PHLDB1: variants seen among roughly 807,000 people sequenced by gnomAD.
PHLDB1 encodes pleckstrin homology like domain family B member 1.
PHLDB1 carries 65 observed loss-of-function variants against 139.3 expected under a neutral mutation model. The ratio of observed to expected loss-of-function variants is 0.47; its 90% CI spans 0.38 to 0.57. The LOEUF is 0.57. PHLDB1 is among the 20% of genes least tolerant of loss of function. PHLDB1 has a pLI of 0.00. For missense variants in PHLDB1, 1,624 were observed against 1,839.7 expected, an observed-to-expected ratio of 0.88 and a Z score of 2.14; for synonymous variants, 679 against 734.5, an observed-to-expected ratio of 0.92 and a Z score of 1.22.
chr11:118,606,483 G>C (rs1295677003), upstream of PHLDB1: 1 of 152,224 alleles, frequency 6.6e-6, no homozygotes, highest in Non-Finnish European at 1.5e-5. Context: ...ATCTCAAAGA[G>C]GATAAATTAT....
chr11:118,644,391 A>G (rs886348612), intron 15 of PHLDB1: 8 of 571,202 alleles, frequency 1.4e-5, no homozygotes, highest in East Asian at 1.2e-4. Context: ...GGGCTGTGAC[A>G]TCTTTCCTAG....
intron 6 of PHLDB1, 146 bp downstream of exon 6, chr11:118,628,796 C>G: frequency 1.5e-6 from 1 of 663,862 alleles, no homozygotes; most frequent in African/African-American, 1.8e-5. Context: ...CTTTAGTGAT[C>G]AATATCTTAT....
intron 1 of PHLDB1, among the ~76,000 whole-genome samples, chr11:118,612,358 A>G (rs1435300779): frequency 2.0e-5 from 3 of 152,052 alleles, no homozygotes; most frequent in Non-Finnish European, 4.4e-5. Flanking sequence ...CCTTTTTTAC[A>G]TAAACTCCCC....
At position 118,611,136 on chromosome 11, in the gene PHLDB1, C is replaced by G. The variant is rs1244719253; in HGVS notation, c.-21-2680C>G. On this transcript the variant is annotated intron_variant, in intron 1 of 22. Coordinates refer to ENST00000600882, the MANE Select transcript of PHLDB1 (RefSeq NM_001144758.3). The surrounding 1 kb of genome is among the most constrained non-coding windows in gnomAD (Gnocchi z 4.7). The stretch of plus-strand genomic sequence containing the variant: ...CAGCCGCCGGGGCCAGAGCGGGAGT[C>G]AAGGTGAGGGCGCCCCCAGGTGGCC... 6.6e-6 allele frequency among the ~76,000 whole-genome samples: 1 copy of G among 152,198 alleles called. No individual in the cohort carries two copies. Among genetic ancestry groups the G allele is most frequent in the Non-Finnish European group, 1.5e-5 (1 of 68,034 alleles).
Position 118,645,420 on chromosome 11 carries a change from G to C in PHLDB1, c.3186G>C (p.Glu1062Asp), listed in dbSNP as rs1410023080. 1.3e-6 allele frequency: 2 copies of C among 1,545,610 alleles called. No individual in the cohort carries two copies. The highest frequency in any genetic ancestry group is 2.1e-5 in the Admixed American group (1 of 47,934). Residue 1062 changes from glutamate to aspartate, a missense_variant, in exon 16 of 23, where the codon GAG becomes GAC. Physicochemically the swap from Glu to Asp is conservative, Grantham distance 45 (BLOSUM62 2). Transcript: ENST00000600882. This position sits in a 1 kb window ranked among gnomAD's most constrained non-coding sequence, Gnocchi z 5.1. Reference sequence around the variant, plus strand: ...AGCTGAAGCAGAAAGCGGCAGCTGAGGCACAGTGCCAGTGGGATGCCCTTC... The same window carrying C: ...AGCTGAAGCAGAAAGCGGCAGCTGACGCACAGTGCCAGTGGGATGCCCTTC... ...LAELKQKAAA[E>D]AQCQWDALHG... is the part of the protein sequence containing the mutation.
chr11:118,630,204 C>A, intron 6 of PHLDB1: 1 of 517,688 alleles, frequency 1.9e-6, no homozygotes, highest in Non-Finnish European at 3.3e-6. Context: ...GCCATGGAAG[C>A]CTCACAAACC....
chr11:118,635,410 G>T lies in PHLDB1; in HGVS notation c.2397G>T (p.Glu799Asp). 6.2e-7 allele frequency: 1 copy of T among 1,602,042 alleles called. No individual in the cohort carries two copies. Residue 799 changes from glutamate (E) to aspartate (D), a missense_variant, in exon 10 of 23, where the codon GAG (glutamate) becomes GAT (aspartate). By Grantham distance (45) the Glu-to-Asp change is conservative (BLOSUM62 2). Coordinates refer to ENST00000600882, the MANE Select transcript of PHLDB1 (RefSeq NM_001144758.3). ...KERDKEAEALETETKLFEDLE... is the reference protein window; with the variant it reads ...KERDKEAEALDTETKLFEDLE... ...CGTTGAAGGAGGCAGAGGCCCTGGAGACTGAGACAAAGCTCTTTGAGGACT... is the reference window on the plus strand; with the variant it reads ...CGTTGAAGGAGGCAGAGGCCCTGGATACTGAGACAAAGCTCTTTGAGGACT...
In PHLDB1 at chr11:118,628,024, C is replaced by G; in HGVS notation, c.1201C>G (p.Arg401Gly). The G allele has an allele frequency of 6.2e-7, 1 of 1,613,836 alleles. No homozygotes were observed. Among genetic ancestry groups the G allele is most frequent in the Non-Finnish European group, 8.5e-7 (1 of 1,179,988 alleles). ...PRNKIGTLQDRPPSPFREPPG... is the reference protein window; with the variant it reads ...PRNKIGTLQDGPPSPFREPPG... ...AAACAAGATTGGCACACTCCAGGAC[C>G]GCCCTCCCAGCCCTTTCCGTGAGCC... The change falls in exon 6 of 23, where the codon CGC (arginine) becomes GGC (glycine). Residue 401 changes from arginine (R) to glycine (G), a missense_variant. Coordinates refer to ENST00000600882, the MANE Select transcript of PHLDB1 (RefSeq NM_001144758.3).
Position 118,608,780 on chromosome 11 carries a change from A to C in PHLDB1, c.-22+1081A>C, listed in dbSNP as rs1555081045. ...CACACCCGGACCCGCCCACACGCCG[A>C]GGCCTTCCCACGCACTCCATGCCTT... On this transcript the variant is annotated intron_variant, in intron 1 of 22. Coordinates refer to ENST00000600882, the MANE Select transcript of PHLDB1 (RefSeq NM_001144758.3). This position sits in a 1 kb window ranked among gnomAD's most constrained non-coding sequence, Gnocchi z 6.7. Among the ~76,000 whole-genome samples, 1 of 151,686 alleles carries C rather than the reference A, an allele frequency of 6.6e-6. No homozygotes were observed. The highest frequency in any genetic ancestry group is 1.5e-5 in the Non-Finnish European group (1 of 67,874).
In PHLDB1 at chr11:118,632,006, G is replaced by A; in HGVS notation, c.2194G>A (p.Val732Ile). The A allele has an allele frequency of 2.5e-6, 4 of 1,614,148 alleles. No individual in the cohort carries two copies. The highest frequency in any genetic ancestry group is 3.4e-6 in the Non-Finnish European group (4 of 1,179,990). ...GCTGGGGCACGTGGAGCAGCTCAAG[G>A]TCCGTGTGAAGGAGCTAGAGCAGCA... ...QVLGHVEQLK[V>I]RVKELEQQLQ... The change falls in exon 8 of 23, where the codon GTC becomes ATC. Residue 732 changes from valine to isoleucine, a missense_variant. Coordinates refer to ENST00000600882, the MANE Select transcript of PHLDB1 (RefSeq NM_001144758.3). This position sits in a 1 kb window ranked among gnomAD's most constrained non-coding sequence, Gnocchi z 5.9.
chr11:118,633,318 T>C (rs1344890927), intron 9 of PHLDB1: 1 of 152,256 alleles, frequency 6.6e-6, no homozygotes, highest in Non-Finnish European at 1.5e-5. Flanking sequence ...CAAGGGGGCA[T>C]TGGCAGGAGG....
At chr11:118,629,832 C>T (rs1267909196) in intron 6 of PHLDB1, 4 of 365,434 alleles carry the variant, frequency 1.1e-5, no homozygotes, top group South Asian at 6.5e-5. Flanking sequence ...CCCCCAACTC[C>T]TCCATCAGTT....
At chr11:118,648,531 C>CT (rs1414853125) in intron 18 of PHLDB1, among the ~76,000 whole-genome samples, 1 of 152,094 alleles carries the variant, frequency 6.6e-6, no homozygotes, top group Non-Finnish European at 1.5e-5. Flanking sequence ...GCTGCCCCTC[C>CT]TGCATGTGGA....
At chr11:118,614,335 C>T (rs1204039246) in intron 2 of PHLDB1, among the ~76,000 whole-genome samples, 2 of 145,388 alleles carry the variant, frequency 1.4e-5, no homozygotes, top group East Asian at 2.1e-4. Context: ...CACAGTTAAG[C>T]CAAGACTTGC....
Position 118,655,691 on chromosome 11 carries a change from G to A in PHLDB1, c.3960+1G>A. 1 of 1,610,076 alleles carries A rather than the reference G, an allele frequency of 6.2e-7. No individual in the cohort carries two copies. Among genetic ancestry groups the A allele is most frequent in the Non-Finnish European group, 8.5e-7 (1 of 1,176,392 alleles). On this transcript the variant is annotated splice_donor_variant, in intron 21 of 22. Transcript: ENST00000600882. LOFTEE classifies it high-confidence loss of function. ...CGACCACCTGCGCAGTGCAGCCAAG[G>A]TCAGGGGTGGAGGGCACCAGAGGGG...
Position 118,628,492 on chromosome 11 carries a change from T to C in PHLDB1, c.1669T>C (p.Cys557Arg). The C allele has an allele frequency of 3.1e-6, 5 of 1,613,198 alleles. No homozygotes were observed. The highest frequency in any genetic ancestry group is 4.2e-6 in the Non-Finnish European group (5 of 1,179,984). The change falls in exon 6 of 23, where the codon TGT (cysteine) becomes CGT (arginine). Residue 557 changes from cysteine (C) to arginine (R), a missense_variant. By Grantham distance (180) the Cys-to-Arg change is radical. Transcript: ENST00000600882. ...LTGASPCQSP[C>R]VQRKLSSGDL... is the part of the protein sequence containing the mutation. ...TGGGGCTTCACCCTGCCAGAGTCCC[T>C]GTGTCCAGAGGAAGCTCTCCAGCGG... is the stretch of plus-strand genomic sequence containing the variant.
rs7127742 is a variant in PHLDB1, at chr11:118,650,932, A to G, written c.3874+385A>G. 9.6e-3 allele frequency: 2,245 copies of G among 232,714 alleles called. 54 individuals are homozygous for G. Among genetic ancestry groups the G allele is most frequent in the African/African-American group, 0.048 (2,093 of 43,928 alleles). 14.4% of individuals were successfully genotyped at this position (232,714 alleles called of 1,614,324 possible). On this transcript the variant is annotated intron_variant, in intron 20 of 22. Transcript: ENST00000600882. This position sits in a 1 kb window ranked among gnomAD's most constrained non-coding sequence, Gnocchi z 4.7. ...TGCAGGAGCATGGGGTCTTATGGTC[A>G]GAGTTGGGCTGGGAACTCCCCCTTG...
chr11:118,650,587 C>A lies in PHLDB1; in HGVS notation c.3874+40C>A. On this transcript the variant is annotated intron_variant, in intron 20 of 22. Transcript: ENST00000600882. The surrounding 1 kb of genome is among the most constrained non-coding windows in gnomAD (Gnocchi z 4.7). ...GGCCACCCTGGGGGCCAGCCAGGAT[C>A]CCTGGGCTCTGTTACCCAGGACGGC... The A allele has an allele frequency of 1.4e-6, 2 of 1,386,144 alleles. No individual in the cohort carries two copies. 85.9% of individuals were successfully genotyped at this position (1,386,144 alleles called of 1,614,324 possible).
intron 7 of PHLDB1, 84 bp downstream of exon 7, chr11:118,631,563 T>C: frequency 2.6e-6 from 3 of 1,159,956 alleles, no homozygotes; most frequent in Non-Finnish European, 3.4e-6. Flanking sequence ...AATGCCAAGG[T>C]CCAGTGAGGG....
Sources: allele counts gnomAD v4.1 joint callset (sites outside exome capture counted in the v4.1 genomes callset), GRCh38; gene constraint gnomAD v4.1.1; non-coding constraint Gnocchi (gnomAD v3.1); transcripts MANE v1.5; gene names NCBI Gene and HGNC (gene_info 2026-07-23, HGNC 2026-07-21).